PCNT: variants seen among roughly 807,000 people sequenced by gnomAD.
PCNT encodes kendrin.
A neutral mutation model predicts 380.4 loss-of-function variants in PCNT; 319 were observed. The observed-to-expected ratio is 0.84, with a 90% CI of 0.77 to 0.92. The LOEUF (loss-of-function observed/expected upper bound fraction) is 0.92, where lower values mean the gene tolerates loss of function less well. PCNT is among the 40% of genes least tolerant of loss of function. The probability of loss-of-function intolerance (pLI) is 0.00; values close to 1 mark genes in which losing one functional copy is unlikely to be tolerated. For missense variants in PCNT, 4,400 were observed against 4,255.3 expected (o/e 1.03, Z -0.95); for synonymous variants, 1,845 against 1,735.2 (o/e 1.06, Z -1.57).
At chr21:46,410,674 G>C (rs1286125946) in intron 27 of PCNT, among the ~76,000 whole-genome samples, 1 of 152,202 alleles carries the variant, frequency 6.6e-6, no homozygotes, top group African/African-American at 2.4e-5. Context: ...TCACTTCGAT[G>C]CCTGGTGTCA....
chr21:46,393,421 A>G (rs2086101779), intron 21 of PCNT, among the ~76,000 whole-genome samples: 1 of 151,736 alleles, frequency 6.6e-6, no homozygotes, highest in Non-Finnish European at 1.5e-5. Context: ...TGTTTCTCCG[A>G]TGCTTTCTCT....
intron 15 of PCNT, among the ~76,000 whole-genome samples, chr21:46,374,185 G>A (rs977086657): frequency 1.3e-5 from 2 of 152,110 alleles, no homozygotes; most frequent in African/African-American, 4.8e-5. Flanking sequence ...CAAGCCCCCG[G>A]TCCCGCTGGT....
intron 43 of PCNT, among the ~76,000 whole-genome samples, chr21:46,441,733 G>A (rs569720875): frequency 6.6e-6 from 1 of 152,138 alleles, no homozygotes; most frequent in Non-Finnish European, 1.5e-5. Context: ...GCAGGAGGAA[G>A]CATTTTAGGC....
chr21:46,400,512 CTTTTTTTTTTT>C (rs1215264897), intron 25 of PCNT, among the ~76,000 whole-genome samples: 48 of 84,552 alleles, frequency 5.7e-4, no homozygotes, highest in Admixed American at 1.9e-3. Flanking sequence ...GTGTCTGATT[CTTTTTTTTTTT>C]TTTTTTTTTT....
intron 26 of PCNT, 100 bp from the exon 27 acceptor site, chr21:46,402,231 A>C (rs1438877443): frequency 1.2e-6 from 1 of 835,912 alleles, no homozygotes; most frequent in Non-Finnish European, 1.9e-6. Flanking sequence ...AGGCATGTGC[A>C]TTTAAATATC....
In PCNT at chr21:46,366,541, C is replaced by T. The variant is rs745424979; in HGVS notation, c.2610-43C>T. ...TGGCTTTTGCAAGGGTCATTGCTTC[C>T]TGATGCATGTTTAACTGTCCTGTGT... On this transcript the variant is annotated intron_variant, in intron 14 of 46. Coordinates refer to ENST00000359568, the MANE Select transcript of PCNT (RefSeq NM_006031.6). 1.2e-5 allele frequency: 18 copies of T among 1,540,744 alleles called. 1 individual carries two copies. In the South Asian group the frequency reaches 1.9e-4, roughly 16 times the overall value.
Position 46,346,228 on chromosome 21 carries a change from A to G in PCNT, c.720+20A>G, listed in dbSNP as rs1360760496. The stretch of plus-strand genomic sequence containing the variant: ...AGTCAGGTGACCCGGCGGGGCCTGC[A>G]CAGGCTCACAGCATGGGCTCTGTTA... On this transcript the variant is annotated intron_variant, in intron 4 of 46. Transcript: ENST00000359568. 1 of 1,593,418 alleles carries G rather than the reference A, an allele frequency of 6.3e-7. No homozygotes were observed.
At chr21:46,431,441 A>C (rs957481773) in intron 37 of PCNT, 88 bp from the exon 38 acceptor site, 1 of 1,607,420 alleles carries the variant, frequency 6.2e-7, no homozygotes, top group South Asian at 1.1e-5. Context: ...TGCTGGGCTA[A>C]AGTATATAAA....
Position 46,349,819 on chromosome 21 carries a change from A to T in PCNT, c.1343A>T (p.Glu448Val). The T allele has an allele frequency of 1.2e-6, 2 of 1,613,984 alleles. No individual in the cohort carries two copies. Among genetic ancestry groups the T allele is most frequent in the Admixed American group, 3.3e-5 (2 of 60,028 alleles). ...GAGAGCGAGAAAGAAAAACAGCTGG[A>T]GGTGGGCAGCAGCTTCGTTATTTAA... ...FKESEKEKQL[E>V]LENLQASYED... The change falls in exon 8 of 47, where the codon GAG becomes GTG. Residue 448 changes from glutamate (E) to valine (V), a missense_variant and splice_region_variant. By Grantham distance (121) the Glu-to-Val change is moderately radical (BLOSUM62 -2). Transcript: ENST00000359568.
chr21:46,357,242 T>C (rs550082172), intron 13 of PCNT, 51 bp downstream of exon 13: 9 of 1,295,114 alleles, frequency 6.9e-6, no homozygotes, highest in East Asian at 2.3e-5. Context: ...CCTTGCTCTC[T>C]TCCACCTGGA....
rs372990647 is a variant in PCNT at position 46,325,049 on chromosome 21, T to A, written c.54+767T>A. ...CGCCTTCAAGGGACGCGCTCCCGTC[T>A]TTCTCCCGCCCCGGGTTTCTCCGTG... On this transcript the variant is annotated intron_variant, in intron 1 of 46. Transcript: ENST00000359568. The A allele has an allele frequency of 8.1e-6, 8 of 985,504 alleles. No homozygotes were observed. The African/African-American group carries it at 1.4e-4, about 17-fold the overall frequency. 61.0% of individuals were successfully genotyped at this position (985,504 alleles called of 1,614,324 possible).
At chr21:46,395,216 T>C (rs2086167946) in intron 21 of PCNT, among the ~76,000 whole-genome samples, 1 of 152,262 alleles carries the variant, frequency 6.6e-6, no homozygotes, top group Admixed American at 6.5e-5. Context: ...TTAACACTTT[T>C]ACAAATCAAA....
At chr21:46,402,145 C>G (rs1307619044) in intron 26 of PCNT, among the ~76,000 whole-genome samples, 186 bp from the exon 27 acceptor site, 1 of 132,772 alleles carries the variant, frequency 7.5e-6, no homozygotes, top group East Asian at 2.0e-4. Context: ...TGAGCCCATG[C>G]CCAGCCTGAC....
chr21:46,431,413 C>A, intron 37 of PCNT, 116 bp from the exon 38 acceptor site: 3 of 1,573,436 alleles, frequency 1.9e-6, no homozygotes, highest in Non-Finnish European at 2.6e-6. Context: ...TAATAGGGTG[C>A]ATTTCAAAAG....
Position 46,431,579 on chromosome 21 carries a change from C to T in PCNT, c.8115C>T (p.Cys2705=), listed in dbSNP as rs756904669. 2.2e-5 allele frequency: 35 copies of T among 1,613,956 alleles called. No homozygotes were observed. The Admixed American group carries it at 2.7e-4, about 12-fold the overall frequency. Residue 2705 remains cysteine, a synonymous_variant, in exon 38 of 47, where the codon TGC becomes TGT. Coordinates refer to ENST00000359568, the MANE Select transcript of PCNT (RefSeq NM_006031.6). ...AGCGTGCTCAGAGCAGTCGACTCTG[C>T]GTGGCACTGAAACACGAGCAGACGG... ...ETQRAQSSRL[C]VALKHEQTAK... is the part of the protein sequence containing the mutation.
rs920525493 is a variant in PCNT at position 46,425,993 on chromosome 21, C to G, written c.7320+22C>G. 1.9e-6 allele frequency: 3 copies of G among 1,607,606 alleles called. No individual in the cohort carries two copies. Among genetic ancestry groups the G allele is most frequent in the East Asian group, 4.5e-5 (2 of 44,430 alleles). On this transcript the variant is annotated intron_variant, in intron 33 of 46. Coordinates refer to ENST00000359568, the MANE Select transcript of PCNT (RefSeq NM_006031.6). The surrounding 1 kb of genome is among the most constrained non-coding windows in gnomAD (Gnocchi z 4.2). ...GCAGGTTTATTTTGCCCTTCACACACTTCTTTTCCAAAGGATTTAAGGAGC... is the reference window on the plus strand; with the variant it reads ...GCAGGTTTATTTTGCCCTTCACACAGTTCTTTTCCAAAGGATTTAAGGAGC...
chr21:46,347,248 A>T (rs768835388), intron 5 of PCNT, among the ~76,000 whole-genome samples: 1 of 151,628 alleles, frequency 6.6e-6, no homozygotes, highest in Non-Finnish European at 1.5e-5. Flanking sequence ...GCTGACCTTC[A>T]CCTCCTCTCT....
At position 46,414,368 on chromosome 21, in the gene PCNT, A is replaced by G. The variant is rs530972377; in HGVS notation, c.6150+1376A>G. Among the ~76,000 whole-genome samples, 5 of 151,828 alleles carry G rather than the reference A, an allele frequency of 3.3e-5. No individual in the cohort carries two copies. The East Asian group carries it at 9.7e-4, about 29-fold the overall frequency. Reference sequence around the variant, plus strand: ...GGCCCAGCGCAGCCTCCCTGGACACACAGCCACCCACCCTTCTCCTCCTTC... The same window carrying G: ...GGCCCAGCGCAGCCTCCCTGGACACGCAGCCACCCACCCTTCTCCTCCTTC... On this transcript the variant is annotated intron_variant, in intron 29 of 46. Transcript: ENST00000359568.
chr21:46,440,221 G>A lies in PCNT; in HGVS notation c.9393+19G>A. On this transcript the variant is annotated intron_variant, in intron 42 of 46. Transcript: ENST00000359568. ...TGTCAAGGTAGGAACGGTGCCACGA[G>A]TATAGAACTTTGGTGCTTTTTTAAG... 1 of 1,613,482 alleles carries A rather than the reference G, an allele frequency of 6.2e-7. No individual in the cohort carries two copies.
Sources: allele counts gnomAD v4.1 joint callset (sites outside exome capture counted in the v4.1 genomes callset), GRCh38; gene constraint gnomAD v4.1.1; non-coding constraint Gnocchi (gnomAD v3.1); transcripts MANE v1.5; gene names NCBI Gene and HGNC (gene_info 2026-07-23, HGNC 2026-07-21).